The following AFF3 variants were observed in gnomAD, a reference collection of about 807,000 sequenced individuals.
AFF3 encodes the protein AF4/FMR2 family member 3.
AFF3 carries 32 observed loss-of-function variants against 129.7 expected under a neutral mutation model. The ratio of observed to expected loss-of-function variants is 0.25; its 90% CI spans 0.19 to 0.33. The LOEUF is 0.33. Ranked by LOEUF, AFF3 falls within the 10% of genes least tolerant of loss-of-function variation. The pLI, the probability that AFF3 is intolerant of heterozygous loss-of-function variation, is 1.00. For synonymous variants in AFF3, 644 were observed against 635.4 expected (o/e 1.01, Z -0.20); for missense variants, 1,373 against 1,592.0 (o/e 0.86, Z 2.34).
At position 100,104,386 on chromosome 2, in the gene AFF3, C is replaced by G; in HGVS notation, c.53+16G>C. ...GCCGCTCCCGCCCGCCCGAAGCGGC[C>G]GGCACGGGGACTTACCACAGTGACT... On this transcript the variant is annotated intron_variant, in intron 4 of 24. Coordinates refer to ENST00000672756, the MANE Select transcript of AFF3 (RefSeq NM_001386135.1). 9.0e-7 allele frequency: 1 copy of G among 1,111,418 alleles called. No individual in the cohort carries two copies. The highest frequency in any genetic ancestry group is 1.1e-6 in the Non-Finnish European group (1 of 889,558). The allele number at this position is 1,111,418 out of a possible 1,614,324, so 68.8% of individuals were successfully genotyped here.
intron 2 of AFF3, chr2:100,107,554 A>G (rs1367672367): frequency 3.1e-6 from 3 of 968,842 alleles, no homozygotes; most frequent in Non-Finnish European, 3.7e-6. Context: ...AGTGCTTGTG[A>G]CCTGAGGGTC....
chr2:100,093,609 T>C (rs1179194490), intron 4 of AFF3, among the ~76,000 whole-genome samples: 1 of 151,996 alleles, frequency 6.6e-6, no homozygotes, highest in Non-Finnish European at 1.5e-5. Context: ...CTTACAAGGA[T>C]TGGTTCTCAA....
chr2:99,559,811 A>T (rs1026617828), intron 21 of AFF3, among the ~76,000 whole-genome samples: 1 of 152,170 alleles, frequency 6.6e-6, no homozygotes, highest in Non-Finnish European at 1.5e-5. Flanking sequence ...TGTTATTATT[A>T]TTTTTTAATT....
At chr2:99,901,038 CTG>C (rs1249592181) in intron 7 of AFF3, among the ~76,000 whole-genome samples, 6 of 152,210 alleles carry the variant, frequency 3.9e-5, no homozygotes, top group Non-Finnish European at 8.8e-5. Context: ...AAGAAACAGA[CTG>C]TGTGCGTACA....
At chr2:99,842,230 T>A (rs1415842013) in intron 7 of AFF3, among the ~76,000 whole-genome samples, 1 of 152,128 alleles carries the variant, frequency 6.6e-6, no homozygotes, top group Non-Finnish European at 1.5e-5. Flanking sequence ...CTTCTTGAGG[T>A]CTTTCTCAAA....
chr2:99,801,312 C>A (rs1685929136), intron 8 of AFF3, among the ~76,000 whole-genome samples: 1 of 152,150 alleles, frequency 6.6e-6, no homozygotes, highest in Non-Finnish European at 1.5e-5. Flanking sequence ...ATGTCAACTT[C>A]AATTTCTTCT....
intron 8 of AFF3, among the ~76,000 whole-genome samples, chr2:99,761,962 C>T (rs1682638150): frequency 6.6e-6 from 1 of 151,960 alleles, no homozygotes; most frequent in African/African-American, 2.4e-5. Flanking sequence ...TACTTCTTGT[C>T]CTGCCCCAGG....
intron 8 of AFF3, among the ~76,000 whole-genome samples, chr2:99,823,434 C>T (rs1243797615): frequency 6.6e-6 from 1 of 152,060 alleles, no homozygotes; most frequent in Admixed American, 6.6e-5. Context: ...AGGTAATTAG[C>T]ATAGAATCCC....
chr2:100,084,354 G>A (rs1380764244), intron 4 of AFF3, among the ~76,000 whole-genome samples: 4 of 152,218 alleles, frequency 2.6e-5, no homozygotes, highest in Admixed American at 6.5e-5. Context: ...TTTGAGGTAC[G>A]TATTATTCTT....
At chr2:99,931,013 A>C (rs758147006) in intron 7 of AFF3, among the ~76,000 whole-genome samples, 2 of 152,212 alleles carry the variant, frequency 1.3e-5, no homozygotes, top group Non-Finnish European at 2.9e-5. Flanking sequence ...TCAGAATTGA[A>C]ATTTACAGAC....
intron 7 of AFF3, among the ~76,000 whole-genome samples, chr2:100,002,538 GGTT>G (rs1681518260): frequency 2.0e-5 from 3 of 152,104 alleles, no homozygotes; most frequent in Non-Finnish European, 4.4e-5. Flanking sequence ...AACCATAAAT[GGTT>G]TCTCTGTTCT....
chr2:99,858,208 C>T (rs1690668034), intron 7 of AFF3, among the ~76,000 whole-genome samples: 2 of 152,062 alleles, frequency 1.3e-5, no homozygotes, highest in Non-Finnish European at 1.5e-5. Flanking sequence ...CAACCAGTTC[C>T]AGCCTGGGCT....
At chr2:99,568,394 G>A (rs1044901663) in intron 19 of AFF3, among the ~76,000 whole-genome samples, 8 of 152,176 alleles carry the variant, frequency 5.3e-5, no homozygotes, top group African/African-American at 1.4e-4. Flanking sequence ...AGAGTCTTAC[G>A]TGCAGATAAT....
chr2:99,843,602 TC>T (rs1437860674), intron 7 of AFF3, among the ~76,000 whole-genome samples: 2 of 152,170 alleles, frequency 1.3e-5, no homozygotes, highest in African/African-American at 4.8e-5. Flanking sequence ...AATTTTAGGG[TC>T]CTTTTAATGT....
intron 11 of AFF3, among the ~76,000 whole-genome samples, chr2:99,722,538 A>G (rs976818569): frequency 2.0e-5 from 3 of 152,292 alleles, no homozygotes; most frequent in African/African-American, 4.8e-5. Flanking sequence ...TGGGGTTTCA[A>G]TAGAAAATCT....
At chr2:99,610,533 A>G (rs1374684435) in intron 13 of AFF3, among the ~76,000 whole-genome samples, 3 of 152,194 alleles carry the variant, frequency 2.0e-5, no homozygotes, top group African/African-American at 7.2e-5. Flanking sequence ...ATTGCCGGGT[A>G]GGATTCCATG....
intron 4 of AFF3, among the ~76,000 whole-genome samples, chr2:100,080,641 C>T (rs1004653156): frequency 6.3e-4 from 96 of 151,904 alleles, no homozygotes; most frequent in Admixed American, 3.3e-4. Flanking sequence ...AAAGAAAAAA[C>T]ACAGGCATGA....
At chr2:99,909,383 T>C (rs1218705251) in intron 7 of AFF3, among the ~76,000 whole-genome samples, 4 of 108,960 alleles carry the variant, frequency 3.7e-5, no homozygotes, top group Non-Finnish European at 6.9e-5. Flanking sequence ...ATATACCTAA[T>C]GCTAAATGAT....
chr2:99,891,908 C>T lies in AFF3; in HGVS notation c.874-54384G>A, dbSNP rs185846130. 1.5e-4 allele frequency among the ~76,000 whole-genome samples: 23 copies of T among 152,152 alleles called. No homozygotes were observed. The East Asian group carries it at 3.7e-3, about 24-fold the overall frequency. On this transcript the variant is annotated intron_variant, in intron 7 of 24. Coordinates refer to ENST00000672756, the MANE Select transcript of AFF3 (RefSeq NM_001386135.1). ...CATGATCTCAGCTCACTGCAAGCTC[C>T]GCCTCCCGGGTTCACGCCATTCTCC...
Sources: gnomAD v4.1 joint callset for allele counts (sites outside exome capture counted in the v4.1 genomes callset) on GRCh38, gnomAD v4.1.1 for gene constraint, MANE v1.5 for transcripts, NCBI Gene and HGNC (gene_info 2026-07-23, HGNC 2026-07-21) for gene names.